FAR2: variants seen among roughly 807,000 people sequenced by gnomAD.
FAR2 encodes the protein fatty acyl-CoA reductase 2, also known as epididymis secretory protein Li 81.
In FAR2, 19 loss-of-function variants were observed where a neutral mutation model predicts 56.0. The observed-to-expected ratio is 0.34, with a 90% CI of 0.24 to 0.50. FAR2 has a LOEUF of 0.50. Among genes scored for constraint, FAR2 ranks in the 20% least tolerant of loss-of-function variants. The probability of loss-of-function intolerance (pLI) is 0.98; values close to 1 mark genes in which losing one functional copy is unlikely to be tolerated. For synonymous variants in FAR2, 219 were observed against 218.8 expected (o/e 1.00, Z -0.01); for missense variants, 508 against 642.2 (o/e 0.79, Z 2.26).
chr12:29,231,961 G>A (rs1380753129), intron 1 of FAR2, among the ~76,000 whole-genome samples: 2 of 152,188 alleles, frequency 1.3e-5, no homozygotes. Flanking sequence ...CTTTTGCAAT[G>A]TAGATTTTCA....
chr12:29,307,160 T>C (rs932115213), intron 4 of FAR2, among the ~76,000 whole-genome samples: 93 of 152,146 alleles, frequency 6.1e-4, no homozygotes, highest in Non-Finnish European at 2.1e-4. Context: ...GGAGAATGAC[T>C]GGGACTCAAA....
chr12:29,273,729 C>T (rs1948658513), intron 2 of FAR2, among the ~76,000 whole-genome samples: 1 of 152,242 alleles, frequency 6.6e-6, no homozygotes, highest in South Asian at 2.1e-4. Flanking sequence ...AGCTGAGAGG[C>T]TGTAAGAATC....
chr12:29,204,019 A>AAGG (rs759330385), intron 1 of FAR2, among the ~76,000 whole-genome samples: 2 of 122,356 alleles, frequency 1.6e-5, no homozygotes, highest in Non-Finnish European at 3.5e-5. Flanking sequence ...AAAAAAAAAA[A>AAGG]AAAAGAAAAT....
chr12:29,204,379 A>G (rs1185876746), intron 1 of FAR2, among the ~76,000 whole-genome samples: 25 of 152,196 alleles, frequency 1.6e-4, no homozygotes, highest in Admixed American at 1.6e-3. Flanking sequence ...AAATTGCCAT[A>G]GGGAAGATAA....
At chr12:29,204,785 G>T (rs1026353938) in intron 1 of FAR2, among the ~76,000 whole-genome samples, 1 of 152,076 alleles carries the variant, frequency 6.6e-6, no homozygotes, top group African/African-American at 2.4e-5. Flanking sequence ...GGGTGGAAGC[G>T]GGGAGGTGCT....
intron 1 of FAR2, among the ~76,000 whole-genome samples, chr12:29,169,253 A>G (rs928497954): frequency 1.3e-5 from 2 of 152,190 alleles, no homozygotes; most frequent in Non-Finnish European, 2.9e-5. Context: ...GGGGCAAAGT[A>G]GCAGCCCTGC....
chr12:29,175,406 G>A (rs1949928015), intron 1 of FAR2, among the ~76,000 whole-genome samples: 1 of 152,222 alleles, frequency 6.6e-6, no homozygotes, highest in South Asian at 2.1e-4. Context: ...GAATGAAGCT[G>A]CAGACCTTCA....
At chr12:29,203,617 T>C (rs1947440740) in intron 1 of FAR2, among the ~76,000 whole-genome samples, 1 of 152,220 alleles carries the variant, frequency 6.6e-6, no homozygotes, top group South Asian at 2.1e-4. Context: ...TGAAAAACTA[T>C]ATTTTGGTGT....
chr12:29,291,483 T>A, intron 2 of FAR2: 1 of 455,966 alleles, frequency 2.2e-6, no homozygotes. Context: ...ATGCAGTTAT[T>A]CATCTGCAAT....
intron 2 of FAR2, among the ~76,000 whole-genome samples, chr12:29,275,106 G>C (rs1012307974): frequency 3.3e-5 from 5 of 151,122 alleles, no homozygotes; most frequent in African/African-American, 1.2e-4. Context: ...AACAGGCTTT[G>C]TGTGAGCAAT....
intron 2 of FAR2, among the ~76,000 whole-genome samples, chr12:29,274,965 C>CCGTGACT (rs1285827301): frequency 7.6e-5 from 6 of 78,574 alleles, no homozygotes; most frequent in African/African-American, 1.0e-4. Context: ...AAATTTGGTG[C>CCGTGACT]CGTGACTCGG....
chr12:29,319,295 G>T (rs535936639), intron 9 of FAR2, among the ~76,000 whole-genome samples: 1 of 152,114 alleles, frequency 6.6e-6, no homozygotes, highest in Non-Finnish European at 1.5e-5. Context: ...CCGGCCAAGG[G>T]GTACAAAACA....
In FAR2 at chr12:29,271,574, A is replaced by C. The variant is rs538705471; in HGVS notation, c.189+936A>C. Among the ~76,000 whole-genome samples the C allele has an allele frequency of 3.9e-5, 6 of 152,308 alleles. No individual in the cohort carries two copies. The South Asian group carries it at 1.2e-3, about 32-fold the overall frequency. ...GTAGGAATGTTAACATCTATGATGC[A>C]CATGTATCTGTTAGCACAGCACATT... On this transcript the variant is annotated intron_variant, in intron 2 of 11. Coordinates refer to ENST00000536681, the MANE Select transcript of FAR2 (RefSeq NM_001271783.2).
chr12:29,319,931 G>A (rs1949524508), intron 9 of FAR2, among the ~76,000 whole-genome samples: 1 of 152,114 alleles, frequency 6.6e-6, no homozygotes, highest in African/African-American at 2.4e-5. Context: ...GCTGGGTGTG[G>A]TGGCTCACAC....
chr12:29,235,044 G>A (rs952585487), intron 1 of FAR2, among the ~76,000 whole-genome samples: 1 of 152,132 alleles, frequency 6.6e-6, no homozygotes, highest in African/African-American at 2.4e-5. Flanking sequence ...TGCCAAGTTT[G>A]ATCTAAGTGT....
intron 9 of FAR2, among the ~76,000 whole-genome samples, chr12:29,321,535 A>C (rs1236449538): frequency 2.0e-5 from 3 of 152,336 alleles, no homozygotes; most frequent in Non-Finnish European, 4.4e-5. Flanking sequence ...TAGGTTTGCT[A>C]TTCTTGAGAA....
At chr12:29,281,869 G>GA (rs902579733) in intron 2 of FAR2, among the ~76,000 whole-genome samples, 4 of 150,548 alleles carry the variant, frequency 2.7e-5, no homozygotes, top group South Asian at 2.1e-4. Flanking sequence ...AAAGTTAAAG[G>GA]AAAAAAAAAT....
intron 1 of FAR2, among the ~76,000 whole-genome samples, chr12:29,243,794 G>A (rs903579612): frequency 6.6e-6 from 1 of 152,176 alleles, no homozygotes; most frequent in Non-Finnish European, 1.5e-5. Flanking sequence ...GCTCTAGTAA[G>A]TCTTTAACAT....
At chr12:29,331,076 GA>G (rs1318207674) in intron 10 of FAR2, among the ~76,000 whole-genome samples, 1 of 152,032 alleles carries the variant, frequency 6.6e-6, no homozygotes, top group Non-Finnish European at 1.5e-5. Flanking sequence ...GTTGTTCTAG[GA>G]ATATCATTTA....
Sources: allele counts gnomAD v4.1 joint callset (sites outside exome capture counted in the v4.1 genomes callset), GRCh38; gene constraint gnomAD v4.1.1; transcripts MANE v1.5; gene names NCBI Gene and HGNC (gene_info 2026-07-23, HGNC 2026-07-21).